Variants in PRORP observed in about 807,000 individuals in gnomAD.
The protein encoded by PRORP is mitochondrial ribonuclease P catalytic subunit.
Under a neutral mutation model 59.4 loss-of-function variants are expected in PRORP, and 51 were observed. The observed-to-expected ratio is 0.86, with a 90% CI of 0.69 to 1.08. PRORP has a LOEUF of 1.08. PRORP is among the 50% of genes least tolerant of loss of function. The probability of loss-of-function intolerance (pLI) is 0.00; values close to 1 mark genes in which losing one functional copy is unlikely to be tolerated. For missense variants in PRORP, 646 were observed against 690.3 expected, an observed-to-expected ratio of 0.94 and a Z score of 0.72; for synonymous variants, 231 against 245.6, an observed-to-expected ratio of 0.94 and a Z score of 0.55.
At position 35,276,338 on chromosome 14, in the gene PRORP, A is replaced by G. The variant is rs910467083; in HGVS notation, c.*2772A>G. On this transcript the variant is annotated 3_prime_UTR_variant, in exon 8 of 8. Coordinates refer to ENST00000534898, the MANE Select transcript of PRORP (RefSeq NM_014672.4). ...AGGGAGGTAAGAATGAGAAGAAGGAACAGGGGTGTACCTCTTTTAAGGGCC... is the reference window on the plus strand; with the variant it reads ...AGGGAGGTAAGAATGAGAAGAAGGAGCAGGGGTGTACCTCTTTTAAGGGCC... 1.3e-5 allele frequency: 2 copies of G among 152,392 alleles called. No homozygotes were observed. Among genetic ancestry groups the G allele is most frequent in the Middle Eastern group, 3.1e-3 (1 of 320 alleles). The allele number at this position is 152,392 out of a possible 1,614,324, so 9.4% of individuals were successfully genotyped here.
At chr14:35,238,866 A>C (rs1478527010) in intron 5 of PRORP, among the ~76,000 whole-genome samples, 1 of 152,180 alleles carries the variant, frequency 6.6e-6, no homozygotes, top group Non-Finnish European at 1.5e-5. Flanking sequence ...GCTATATATA[A>C]ATGTATGACA....
chr14:35,208,882 C>T (rs917205928), intron 5 of PRORP, among the ~76,000 whole-genome samples: 5 of 151,970 alleles, frequency 3.3e-5, no homozygotes, highest in Admixed American at 1.3e-4. Context: ...TGGTGGTATA[C>T]GCCTGTAATC....
At chr14:35,220,321 A>G (rs2138438678) in intron 5 of PRORP, among the ~76,000 whole-genome samples, 1 of 152,290 alleles carries the variant, frequency 6.6e-6, no homozygotes, top group South Asian at 2.1e-4. Context: ...AAGGTTAAAA[A>G]TTATTCATTC....
At chr14:35,230,938 A>AACACACACACACACACACAC (rs60270535) in intron 5 of PRORP, among the ~76,000 whole-genome samples, 5 of 144,466 alleles carry the variant, frequency 3.5e-5, no homozygotes, top group Non-Finnish European at 6.0e-5. Flanking sequence ...AGGAAAAGAG[A>AACACACACACACACACACAC]ACACACACAC....
At chr14:35,184,893 T>A (rs2139056530) in intron 5 of PRORP, among the ~76,000 whole-genome samples, 1 of 152,350 alleles carries the variant, frequency 6.6e-6, no homozygotes, top group East Asian at 1.9e-4. Flanking sequence ...ATGTTGTATA[T>A]GTGCCACATT....
At chr14:35,209,724 T>C (rs1196862108) in intron 5 of PRORP, among the ~76,000 whole-genome samples, 1 of 152,034 alleles carries the variant, frequency 6.6e-6, no homozygotes, top group Non-Finnish European at 1.5e-5. Flanking sequence ...TTGGTAGAGA[T>C]GGAGTTTCAC....
At chr14:35,138,197 A>G (rs2047413804) in intron 4 of PRORP, among the ~76,000 whole-genome samples, 1 of 144,782 alleles carries the variant, frequency 6.9e-6, no homozygotes, top group Non-Finnish European at 1.5e-5. Flanking sequence ...ATTTCCTCTT[A>G]TAAGGACACC....
chr14:35,159,594 A>G (rs939970178), intron 4 of PRORP, among the ~76,000 whole-genome samples: 3 of 152,024 alleles, frequency 2.0e-5, no homozygotes, highest in Non-Finnish European at 2.9e-5. Context: ...CCTTTTTCCT[A>G]TTTTCCACAA....
intron 4 of PRORP, among the ~76,000 whole-genome samples, chr14:35,135,692 G>C (rs1287277894): frequency 6.6e-6 from 1 of 152,148 alleles, no homozygotes; most frequent in Non-Finnish European, 1.5e-5. Context: ...GGGCATAGTG[G>C]CTTATGCCTG....
At chr14:35,172,197 C>T (rs2048327082) in intron 4 of PRORP, among the ~76,000 whole-genome samples, 1 of 151,502 alleles carries the variant, frequency 6.6e-6, no homozygotes, top group South Asian at 2.1e-4. Context: ...TACAGGTGCC[C>T]ACCACCACAT....
chr14:35,266,775 G>T lies in PRORP; in HGVS notation c.1324G>T (p.Val442Phe). ...QLAKRNLRLLVLGRKHMLRRS... is the reference protein window; with the variant it reads ...QLAKRNLRLLFLGRKHMLRRS... ...AGCCAAACGGAATCTGCGACTGCTG[G>T]TCCTAGGCCGGAAGCACATGCTAAG... Residue 442 changes from valine to phenylalanine, a missense_variant, in exon 6 of 8, where the codon GTC (valine) becomes TTC (phenylalanine). Physicochemically the swap from Val to Phe is conservative, Grantham distance 50. Transcript: ENST00000534898. 6.2e-7 allele frequency: 1 copy of T among 1,614,162 alleles called. No homozygotes were observed. The highest frequency in any genetic ancestry group is 8.5e-7 in the Non-Finnish European group (1 of 1,180,022).
intron 5 of PRORP, among the ~76,000 whole-genome samples, chr14:35,195,503 C>G (rs960328050): frequency 6.6e-6 from 1 of 152,082 alleles, no homozygotes; most frequent in Non-Finnish European, 1.5e-5. Flanking sequence ...AGTAGAAATT[C>G]TCCACTGACC....
At chr14:35,228,226 A>C (rs1207630633) in intron 5 of PRORP, among the ~76,000 whole-genome samples, 3 of 152,234 alleles carry the variant, frequency 2.0e-5, no homozygotes, top group Non-Finnish European at 2.9e-5. Context: ...CCAGCCATTG[A>C]GCATTATTGC....
At position 35,198,206 on chromosome 14, in the gene PRORP, A is replaced by C. The variant is rs144355405; in HGVS notation, c.1275+17429A>C. On this transcript the variant is annotated intron_variant, in intron 5 of 7. Transcript: ENST00000534898. ...TTCATTTATAGGCTTCACATAATTCATAAGATTAAATAGAAACAAATTGTT... is the reference window on the plus strand; with the variant it reads ...TTCATTTATAGGCTTCACATAATTCCTAAGATTAAATAGAAACAAATTGTT... Among the ~76,000 whole-genome samples, 253 of 152,352 alleles carry C rather than the reference A, an allele frequency of 1.7e-3. 2 individuals carry two copies. Among genetic ancestry groups the C allele is most frequent in the African/African-American group, 5.8e-3 (240 of 41,586 alleles).
At chr14:35,224,827 A>G (rs2049892064) in intron 5 of PRORP, among the ~76,000 whole-genome samples, 1 of 152,116 alleles carries the variant, frequency 6.6e-6, no homozygotes, top group African/African-American at 2.4e-5. Context: ...CCTATTTCCT[A>G]GGATTCAAAT....
At chr14:35,232,608 A>T (rs779048720) in intron 5 of PRORP, among the ~76,000 whole-genome samples, 2 of 152,230 alleles carry the variant, frequency 1.3e-5, no homozygotes, top group African/African-American at 4.8e-5. Context: ...TGCTTGGCCC[A>T]TAGTAAGTCC....
intron 5 of PRORP, chr14:35,219,018 C>G (rs1330879173): frequency 2.0e-5 from 3 of 152,110 alleles, no homozygotes; most frequent in Admixed American, 1.3e-4. Flanking sequence ...GTCGATGGCT[C>G]AGGGTTAGGG....
intron 5 of PRORP, among the ~76,000 whole-genome samples, chr14:35,255,543 A>G (rs1390115670): frequency 1.3e-5 from 2 of 152,170 alleles, no homozygotes; most frequent in Admixed American, 6.6e-5. Flanking sequence ...CATCAGGACC[A>G]TTATATTTTA....
chr14:35,248,237 A>C (rs1311173683), intron 5 of PRORP, among the ~76,000 whole-genome samples: 3 of 152,220 alleles, frequency 2.0e-5, no homozygotes, highest in Non-Finnish European at 4.4e-5. Flanking sequence ...GTATATATCC[A>C]TATATCCATT....
Sources: gnomAD v4.1 joint callset for allele counts (sites outside exome capture counted in the v4.1 genomes callset) on GRCh38, gnomAD v4.1.1 for gene constraint, MANE v1.5 for transcripts, NCBI Gene and HGNC (gene_info 2026-07-23, HGNC 2026-07-21) for gene names.